The following FARP1 variants were observed in gnomAD, a reference collection of about 807,000 sequenced individuals.
FARP1 encodes the protein FERM, ARHGEF and pleckstrin domain-containing protein 1.
A neutral mutation model predicts 128.8 loss-of-function variants in FARP1; 52 were observed. The ratio of observed to expected loss-of-function variants is 0.40; its 90% confidence interval spans 0.32 to 0.51. FARP1 has a LOEUF of 0.51. FARP1 is among the 20% of genes least tolerant of loss of function. FARP1 has a pLI of 0.45. For missense variants in FARP1, 1,333 were observed against 1,367.9 expected (o/e 0.97, Z 0.40); for synonymous variants, 580 against 551.8 (o/e 1.05, Z -0.72).
intron 1 of FARP1, among the ~76,000 whole-genome samples, chr13:98,189,572 T>A (rs1235712420): frequency 1.3e-5 from 2 of 152,212 alleles, no homozygotes; most frequent in Admixed American, 6.5e-5. Flanking sequence ...AACCAGATTA[T>A]GTAAGTTGTA....
intron 2 of FARP1, among the ~76,000 whole-genome samples, chr13:98,284,704 A>C (rs1274320507): frequency 6.6e-6 from 1 of 152,142 alleles, no homozygotes; most frequent in African/African-American, 2.4e-5. Flanking sequence ...TTATATTTGC[A>C]AGTGAAGTTT....
intron 11 of FARP1, among the ~76,000 whole-genome samples, chr13:98,391,715 C>T (rs1426206193): frequency 6.6e-6 from 1 of 152,122 alleles, no homozygotes; most frequent in Non-Finnish European, 1.5e-5. Flanking sequence ...CTCTTTTATT[C>T]CCTTTATAAA....
At position 98,279,644 on chromosome 13, in the gene FARP1, G is replaced by A. The variant is rs148061409; in HGVS notation, c.172-64118G>A. Among the ~76,000 whole-genome samples, 96 of 152,326 alleles carry A rather than the reference G, an allele frequency of 6.3e-4. No homozygotes were observed. In the East Asian group the frequency reaches 0.018, roughly 29 times the overall value. ...CAGAGCACGTGCAGAGGCTGGTTCT[G>A]TTCGGCTTGAGAGGAGCTTGGGTGG... On this transcript the variant is annotated intron_variant, in intron 2 of 26. Coordinates refer to ENST00000319562, the MANE Select transcript of FARP1 (RefSeq NM_005766.4).
intron 3 of FARP1, among the ~76,000 whole-genome samples, chr13:98,348,638 G>C (rs768232563): frequency 6.6e-6 from 1 of 152,248 alleles, no homozygotes; most frequent in Non-Finnish European, 1.5e-5. Flanking sequence ...ATCCGTAGAC[G>C]ATGTGAAATG....
At chr13:98,312,567 C>G (rs1886523230) in intron 2 of FARP1, among the ~76,000 whole-genome samples, 1 of 152,034 alleles carries the variant, frequency 6.6e-6, no homozygotes. Flanking sequence ...TTTGATGATA[C>G]AAGAAATTCA....
chr13:98,229,161 C>T (rs967766520), intron 2 of FARP1, among the ~76,000 whole-genome samples: 24 of 152,284 alleles, frequency 1.6e-4, no homozygotes, highest in Middle Eastern at 3.4e-3. Context: ...TAGTTAATTC[C>T]TCGCTAGTGA....
intron 1 of FARP1, among the ~76,000 whole-genome samples, chr13:98,169,706 A>G (rs1877516618): frequency 1.3e-5 from 2 of 152,326 alleles, no homozygotes; most frequent in South Asian, 4.1e-4. Context: ...TTTGGATATG[A>G]TTTAATTTTT....
At chr13:98,215,274 G>A (rs1017494585) in intron 2 of FARP1, among the ~76,000 whole-genome samples, 1 of 152,154 alleles carries the variant, frequency 6.6e-6, no homozygotes, top group African/African-American at 2.4e-5. Context: ...TGTCTGGAAG[G>A]AACCTTTCTC....
chr13:98,419,746 A>G (rs555164564), intron 16 of FARP1, among the ~76,000 whole-genome samples: 1 of 152,262 alleles, frequency 6.6e-6, no homozygotes, highest in Admixed American at 6.5e-5. Context: ...GAAGACTAAG[A>G]GGCTTCAAAA....
intron 1 of FARP1, among the ~76,000 whole-genome samples, chr13:98,189,380 T>A (rs1879083746): frequency 6.6e-6 from 1 of 152,168 alleles, no homozygotes; most frequent in South Asian, 2.1e-4. Context: ...TAAATTACCA[T>A]GGACTGTTTC....
intron 13 of FARP1, chr13:98,396,892 A>C (rs1453610487): frequency 2.5e-5 from 4 of 158,124 alleles, no homozygotes; most frequent in Non-Finnish European, 4.2e-5. Context: ...TTTGAACTGA[A>C]GCATCCTTGA....
At chr13:98,432,807 C>T (rs1414497972) in intron 18 of FARP1, 1 of 152,466 alleles carries the variant, frequency 6.6e-6, no homozygotes, top group Non-Finnish European at 1.5e-5. Context: ...AGTGCGGCCC[C>T]TGACCTCACA....
chr13:98,374,000 C>CTTA, intron 5 of FARP1, among the ~76,000 whole-genome samples: 1 of 152,236 alleles, frequency 6.6e-6, no homozygotes, highest in Middle Eastern at 3.4e-3. Flanking sequence ...TCCCATTGCC[C>CTTA]GTCACATTAG....
At chr13:98,207,908 CCACACACACACACACACACACACACACA>C (rs71111934) in intron 1 of FARP1, among the ~76,000 whole-genome samples, 14 of 71,574 alleles carry the variant, frequency 2.0e-4, no homozygotes, top group African/African-American at 3.7e-4. Flanking sequence ...ACCACCACCT[CCACACACACACACACACACACACACACA>C]CACACACACA....
At chr13:98,362,439 G>A (rs1888910555) in intron 3 of FARP1, among the ~76,000 whole-genome samples, 1 of 152,218 alleles carries the variant, frequency 6.6e-6, no homozygotes, top group Admixed American at 6.5e-5. Context: ...AAGGACGGGT[G>A]TGAGTTTGAG....
At chr13:98,446,615 G>A (rs377763482) in intron 25 of FARP1, 51 bp from the exon 26 acceptor site, 20 of 1,596,554 alleles carry the variant, frequency 1.3e-5, no homozygotes, top group Non-Finnish European at 1.6e-5. Flanking sequence ...GCCAGGCCCA[G>A]CAGCAGAAGC....
In FARP1 at chr13:98,202,718, C is replaced by CT. The variant is rs893797969; in HGVS notation, c.-23-10492dup. Among the ~76,000 whole-genome samples, 716 of 149,642 alleles carry CT rather than the reference C, an allele frequency of 4.8e-3. 3 individuals carry two copies. The highest frequency in any genetic ancestry group is 0.015 in the African/African-American group (632 of 40,778). ...TAATGAAACATAGTCTTCTTAATTA[C>CT]TTTTTTTTTTCTTTTTTAAGAGATA... is the stretch of plus-strand genomic sequence containing the variant. On this transcript the variant is annotated intron_variant, in intron 1 of 26. Transcript: ENST00000319562.
At chr13:98,206,050 C>T (rs571262749) in intron 1 of FARP1, among the ~76,000 whole-genome samples, 49 of 152,106 alleles carry the variant, frequency 3.2e-4, no homozygotes, top group African/African-American at 9.9e-4. Flanking sequence ...CTTGCAGCAT[C>T]TTTGTAAAGG....
chr13:98,177,061 G>A, intron 1 of FARP1: 1 of 1,595,946 alleles, frequency 6.3e-7, no homozygotes, highest in Non-Finnish European at 8.5e-7. Flanking sequence ...CACCCGCGGG[G>A]GCTGAGCCAC....
Sources: allele counts gnomAD v4.1 joint callset (sites outside exome capture counted in the v4.1 genomes callset), GRCh38; gene constraint gnomAD v4.1.1; transcripts MANE v1.5; gene names NCBI Gene and HGNC (gene_info 2026-07-23, HGNC 2026-07-21).